The following C12orf42 variants were observed in gnomAD, a reference collection of about 807,000 sequenced individuals.
The protein encoded by C12orf42 is uncharacterized protein C12orf42.
A neutral mutation model predicts 21.6 loss-of-function variants in C12orf42; 25 were observed. The observed-to-expected ratio is 1.16, with a 90% CI of 0.84 to 1.62. The LOEUF is 1.62. Ranked by LOEUF, C12orf42 falls within the 40% of genes most tolerant of loss-of-function variation. The pLI, the probability that C12orf42 is intolerant of heterozygous loss-of-function variation, is 0.00. For missense variants in C12orf42, 483 were observed against 459.3 expected, an observed-to-expected ratio of 1.05 and a Z score of -0.47; for synonymous variants, 174 against 175.0, an observed-to-expected ratio of 0.99 and a Z score of 0.05.
chr12:103,554,307 C>T, the C12orf42 span, among the ~76,000 whole-genome samples: 1 of 151,978 alleles, frequency 6.6e-6, no homozygotes, highest in African/African-American at 2.4e-5. Flanking sequence ...AAACTGAAAA[C>T]CAGGTGGTGG....
chr12:103,367,276 A>G (rs2044691533), intron 4 of C12orf42, among the ~76,000 whole-genome samples: 1 of 151,916 alleles, frequency 6.6e-6, no homozygotes, highest in Non-Finnish European at 1.5e-5. Context: ...TGATAGAGGG[A>G]CTTTGAGGAT....
intron 4 of C12orf42, among the ~76,000 whole-genome samples, chr12:103,332,958 T>TAAGTC (rs1331598646): frequency 6.6e-6 from 1 of 152,182 alleles, no homozygotes; most frequent in Non-Finnish European, 1.5e-5. Context: ...GTGTAACACA[T>TAAGTC]AAGTCGAAGG....
chr12:103,541,161 C>T, the C12orf42 span, among the ~76,000 whole-genome samples: 1 of 152,172 alleles, frequency 6.6e-6, no homozygotes, highest in Admixed American at 6.5e-5. Context: ...GCCTCGGCCT[C>T]CCAAAGTGCT....
At chr12:103,358,523 A>G (rs1018474660) in intron 4 of C12orf42, among the ~76,000 whole-genome samples, 2 of 151,792 alleles carry the variant, frequency 1.3e-5, no homozygotes, top group Non-Finnish European at 2.9e-5. Flanking sequence ...TCTACTCTAT[A>G]TGTTTCTTTC....
At chr12:103,118,587 A>T in the C12orf42 span, among the ~76,000 whole-genome samples, 1 of 152,192 alleles carries the variant, frequency 6.6e-6, no homozygotes, top group East Asian at 1.9e-4. Flanking sequence ...TCACGAGGTC[A>T]GGAGATCGAG....
the C12orf42 span, among the ~76,000 whole-genome samples, chr12:103,069,117 A>G: frequency 6.6e-6 from 1 of 150,516 alleles, no homozygotes; most frequent in Admixed American, 6.7e-5. Flanking sequence ...TTTCTATTTT[A>G]CTAATCCTCT....
intron 4 of C12orf42, among the ~76,000 whole-genome samples, chr12:103,365,426 G>T (rs761551617): frequency 3.9e-5 from 6 of 152,036 alleles, no homozygotes; most frequent in Non-Finnish European, 8.8e-5. Flanking sequence ...AGACAAGGAT[G>T]CCCACTCTCA....
chr12:103,247,942 G>T (rs541222751), intron 10 of C12orf42, among the ~76,000 whole-genome samples: 1 of 152,102 alleles, frequency 6.6e-6, no homozygotes, highest in Non-Finnish European at 1.5e-5. Context: ...ATCCTATAGG[G>T]TAGGCACTCT....
In C12orf42 at chr12:103,462,096, G is replaced by GTTTTTTTTTTTTTTTTTTATTTTTTTTT. The variant is rs1952755030; in HGVS notation, c.78+16252_78+16253insAAAAAAAAATAAAAAAAAAAAAAAAAAA. Among the ~76,000 whole-genome samples, 2 of 27,724 alleles carry GTTTTTTTTTTTTTTTTTTATTTTTTTTT rather than the reference G, an allele frequency of 7.2e-5. 1 individual carries two copies. Among genetic ancestry groups the GTTTTTTTTTTTTTTTTTTATTTTTTTTT allele is most frequent in the African/African-American group, 2.8e-4 (2 of 7,030 alleles). 18.2% of individuals were successfully genotyped at this position (27,724 alleles called of 152,430 possible). A position where few individuals can be genotyped will look rare whatever the true frequency, so the allele number is the denominator to read the frequency against. Reference sequence around the variant, plus strand: ...CCATTTTTGTTTTGTTTTTTGCTTGGTTTTTTTTTTTTTTTTTTTTTTTTT... The same window carrying GTTTTTTTTTTTTTTTTTTATTTTTTTTT: ...CCATTTTTGTTTTGTTTTTTGCTTGGTTTTTTTTTTTTTTTTTTATTTTTTTTTTTTTTTTTTTTTTTTTTTTTTTTTT... On this transcript the variant is annotated intron_variant, in intron 2 of 5. Transcript: ENST00000548883.
intron 3 of C12orf42, among the ~76,000 whole-genome samples, chr12:103,380,811 C>A (rs1431112302): frequency 6.6e-6 from 1 of 152,172 alleles, no homozygotes; most frequent in Non-Finnish European, 1.5e-5. Flanking sequence ...ATTTTTAATT[C>A]ATCAAATCCT....
At chr12:103,079,566 C>G in the C12orf42 span, among the ~76,000 whole-genome samples, 10 of 152,164 alleles carry the variant, frequency 6.6e-5, no homozygotes, top group Admixed American at 6.6e-4. Context: ...TTTTCACTGT[C>G]CAGTGGCTGA....
At chr12:103,497,237 G>C (rs1210598223), upstream of C12orf42, among the ~76,000 whole-genome samples, 1 of 152,118 alleles carries the variant, frequency 6.6e-6, no homozygotes, top group Non-Finnish European at 1.5e-5. Flanking sequence ...AAGGGGAAAA[G>C]GTTTGTATGT....
the C12orf42 span, among the ~76,000 whole-genome samples, chr12:103,513,426 A>T: frequency 3.3e-5 from 5 of 152,228 alleles, no homozygotes; most frequent in Non-Finnish European, 7.3e-5. Context: ...AGCCAGATAG[A>T]TCACTGGATT....
At chr12:103,438,792 TG>T (rs1357876775) in intron 2 of C12orf42, among the ~76,000 whole-genome samples, 1 of 151,720 alleles carries the variant, frequency 6.6e-6, no homozygotes, top group Non-Finnish European at 1.5e-5. Context: ...TCCATGCTCA[TG>T]GGTAGGAAGA....
chr12:103,139,352 G>A, the C12orf42 span, among the ~76,000 whole-genome samples: 1 of 152,082 alleles, frequency 6.6e-6, no homozygotes, highest in African/African-American at 2.4e-5. Flanking sequence ...ACTGACTTTT[G>A]ATTTCACCAT....
chr12:103,288,266 T>C (rs1236087570), intron 4 of C12orf42, among the ~76,000 whole-genome samples: 1 of 152,154 alleles, frequency 6.6e-6, no homozygotes, highest in Non-Finnish European at 1.5e-5. Flanking sequence ...AACTAAAGCA[T>C]TAGGGATTTT....
intron 4 of C12orf42, among the ~76,000 whole-genome samples, chr12:103,355,782 T>C (rs1346859592): frequency 1.3e-5 from 2 of 152,084 alleles, no homozygotes; most frequent in East Asian, 1.9e-4. Context: ...TTAAATCAAA[T>C]AGGCATTCTT....
intron 3 of C12orf42, among the ~76,000 whole-genome samples, chr12:103,389,408 G>A (rs2046886499): frequency 6.6e-6 from 1 of 152,202 alleles, no homozygotes. Flanking sequence ...TCTGAGGAGG[G>A]AGGCCAAAGG....
At chr12:103,126,458 T>C in the C12orf42 span, among the ~76,000 whole-genome samples, 1 of 152,180 alleles carries the variant, frequency 6.6e-6, no homozygotes, top group African/African-American at 2.4e-5. Context: ...TATATTACAA[T>C]AATCCTTCCC....
Sources: allele counts gnomAD v4.1 joint callset (sites outside exome capture counted in the v4.1 genomes callset), GRCh38; gene constraint gnomAD v4.1.1; transcripts MANE v1.5; gene names NCBI Gene and HGNC (gene_info 2026-07-23, HGNC 2026-07-21).